Variants in IGSF10 observed in about 807,000 individuals in gnomAD.
IGSF10 encodes immunoglobulin superfamily member 10.
IGSF10 carries 126 observed loss-of-function variants against 128.2 expected under a neutral mutation model. The observed-to-expected ratio is 0.98, with a 90% CI of 0.85 to 1.14. IGSF10 has a LOEUF of 1.14. Ranked by LOEUF, IGSF10 falls within the 50% of genes most tolerant of loss-of-function variation. IGSF10 has a pLI of 0.00. For synonymous variants in IGSF10, 1,185 were observed against 1,146.2 expected, an observed-to-expected ratio of 1.03 and a Z score of -0.68; for missense variants, 3,295 against 3,149.8, an observed-to-expected ratio of 1.05 and a Z score of -1.10.
chr3:151,538,462 C>G, the IGSF10 span, among the ~76,000 whole-genome samples: 7 of 152,236 alleles, frequency 4.6e-5, no homozygotes, highest in Middle Eastern at 3.4e-3. Flanking sequence ...AAATACCTCA[C>G]TTCACAGCCA....
At position 151,446,980 on chromosome 3, in the gene IGSF10, T is replaced by TTA; in HGVS notation, c.3000_3001insTA (p.Thr1001Ter). Reference sequence around the variant, plus strand: ...CGTCTGAACAGCGGGATGTTAACTGTACTATTTCTAGGGATCGGAAACTGA... The same window carrying TTA: ...CGTCTGAACAGCGGGATGTTAACTGTTAACTATTTCTAGGGATCGGAAACTGA... On this transcript the variant is annotated frameshift_variant, in exon 6 of 8. Coordinates refer to ENST00000282466, the MANE Select transcript of IGSF10 (RefSeq NM_178822.5). LOFTEE classifies it high-confidence loss of function. 1 of 1,614,210 alleles carries TTA rather than the reference T, an allele frequency of 6.2e-7. No homozygotes were observed. Among genetic ancestry groups the TTA allele is most frequent in the Non-Finnish European group, 8.5e-7 (1 of 1,180,034 alleles).
At chr3:151,497,123 GT>G in the IGSF10 span, among the ~76,000 whole-genome samples, 1 of 152,172 alleles carries the variant, frequency 6.6e-6, no homozygotes, top group Admixed American at 6.5e-5. Context: ...CATTCTGTAG[GT>G]TGCCTGTTCA....
the IGSF10 span, among the ~76,000 whole-genome samples, chr3:151,471,387 C>T: frequency 2.0e-5 from 3 of 152,122 alleles, no homozygotes; most frequent in Non-Finnish European, 1.5e-5. Flanking sequence ...ACTGGATAAT[C>T]CTGAATTAAT....
Position 151,458,521 on chromosome 3 carries a change from A to T in IGSF10, c.189T>A (p.Asn63Lys), listed in dbSNP as rs140558815. ...DSIPPNVERI[N>K]LGYNSLVRLM... The stretch of plus-strand genomic sequence containing the variant: ...AAACATGAGGTCTCACACACCCTAA[A>T]TTGATGCGTTCCACATTGGGCGGGA... The change falls in exon 3 of 8, where the codon AAT becomes AAA. Residue 63 changes from asparagine to lysine, a missense_variant. Physicochemically the swap from Asn to Lys is moderately conservative, Grantham distance 94 (BLOSUM62 0). Coordinates refer to ENST00000282466, the MANE Select transcript of IGSF10 (RefSeq NM_178822.5). 1 of 1,612,492 alleles carries T rather than the reference A, an allele frequency of 6.2e-7. No individual in the cohort carries two copies. Among genetic ancestry groups the T allele is most frequent in the South Asian group, 1.1e-5 (1 of 90,842 alleles).
the IGSF10 span, among the ~76,000 whole-genome samples, chr3:151,477,655 T>C: frequency 6.6e-6 from 1 of 152,240 alleles, no homozygotes; most frequent in Non-Finnish European, 1.5e-5. Flanking sequence ...CCGACCATCA[T>C]AGAGAAGTTA....
chr3:151,578,567 A>C, the IGSF10 span, among the ~76,000 whole-genome samples: 2 of 152,202 alleles, frequency 1.3e-5, no homozygotes, highest in Non-Finnish European at 2.9e-5. Context: ...CATGAGAATG[A>C]CTGAGATCAA....
At chr3:151,482,671 G>A in the IGSF10 span, among the ~76,000 whole-genome samples, 2 of 152,174 alleles carry the variant, frequency 1.3e-5, no homozygotes, top group African/African-American at 2.4e-5. Flanking sequence ...GATGAGATGT[G>A]GACATGCAGA....
At chr3:151,617,297 T>TCTTCTTCTTCTTCTTCTC in the IGSF10 span, among the ~76,000 whole-genome samples, 1 of 129,756 alleles carries the variant, frequency 7.7e-6, no homozygotes, top group Non-Finnish European at 1.6e-5. Flanking sequence ...TTCTTCTTCT[T>TCTTCTTCTTCTTCTTCTC]CTTCTTCTTC....
intron 7 of IGSF10, among the ~76,000 whole-genome samples, chr3:151,441,748 A>ATTCATTT (rs1473213956): frequency 3.3e-5 from 5 of 152,346 alleles, no homozygotes; most frequent in Middle Eastern, 3.4e-3. Context: ...GATATAATTT[A>ATTCATTT]TATAGAAAGC....
the IGSF10 span, among the ~76,000 whole-genome samples, chr3:151,566,168 T>C: frequency 6.6e-6 from 1 of 151,878 alleles, no homozygotes; most frequent in Admixed American, 6.6e-5. Context: ...GAATGGGAGG[T>C]ATCAGCTAGA....
the IGSF10 span, among the ~76,000 whole-genome samples, chr3:151,503,595 A>G: frequency 7.2e-5 from 11 of 152,184 alleles, no homozygotes; most frequent in African/African-American, 2.7e-4. Flanking sequence ...AAGAAACAAA[A>G]AGGATAATTC....
the IGSF10 span, among the ~76,000 whole-genome samples, chr3:151,511,716 A>C: frequency 6.6e-6 from 1 of 152,200 alleles, no homozygotes; most frequent in Non-Finnish European, 1.5e-5. Context: ...GTATTCAGGA[A>C]AACCATCTCA....
At position 151,436,476 on chromosome 3, in the gene IGSF10, C is replaced by T; in HGVS notation, c.*213G>A. On this transcript the variant is annotated 3_prime_UTR_variant, in exon 8 of 8. Coordinates refer to ENST00000282466, the MANE Select transcript of IGSF10 (RefSeq NM_178822.5). ...TTATTTGTTGGCAAAATAAAAGTGC[C>T]TTAAGTTAAAAGTTTGTTTTGAGAT... 4.7e-6 allele frequency: 2 copies of T among 423,526 alleles called. No individual in the cohort carries two copies. The highest frequency in any genetic ancestry group is 4.9e-5 in the South Asian group (1 of 20,236). The allele number at this position is 423,526 out of a possible 1,614,324, so 26.2% of individuals were successfully genotyped here.
the IGSF10 span, among the ~76,000 whole-genome samples, chr3:151,518,138 A>T: frequency 1.3e-5 from 2 of 152,020 alleles, no homozygotes; most frequent in Non-Finnish European, 2.9e-5. Context: ...TTTTCTGTAC[A>T]TTGTGAACTA....
In IGSF10 at chr3:151,447,618, T is replaced by C. The variant is rs969642180; in HGVS notation, c.2363A>G (p.Asn788Ser). Residue 788 changes from asparagine (N) to serine (S), a missense_variant, in exon 6 of 8, where the codon AAC becomes AGC. Asn to Ser is a conservative substitution (Grantham distance 46, BLOSUM62 1). Transcript: ENST00000282466. ...GGAATCGTCTTCTTCACCAGGTATG[T>C]TTGGGAGTTGGGTGACCACTGGGGG... ...SPPPVVTQLPNIPGEEDDSSG... is the reference protein window; with the variant it reads ...SPPPVVTQLPSIPGEEDDSSG... 11 of 1,614,092 alleles carry C rather than the reference T, an allele frequency of 6.8e-6. No individual in the cohort carries two copies. Among genetic ancestry groups the C allele is most frequent in the Non-Finnish European group, 9.3e-6 (11 of 1,180,010 alleles).
the IGSF10 span, among the ~76,000 whole-genome samples, chr3:151,554,163 C>T: frequency 3.4e-5 from 5 of 148,008 alleles, no homozygotes; most frequent in Admixed American, 6.8e-5. Flanking sequence ...CACACACACA[C>T]GCAAAGTTGT....
the IGSF10 span, among the ~76,000 whole-genome samples, chr3:151,560,200 A>G: frequency 9.2e-5 from 14 of 152,244 alleles, no homozygotes; most frequent in African/African-American, 3.4e-4. Context: ...ATTTTTATCT[A>G]TAAAGGAAAT....
the IGSF10 span, among the ~76,000 whole-genome samples, chr3:151,491,352 G>A: frequency 6.6e-6 from 1 of 152,098 alleles, no homozygotes; most frequent in Admixed American, 6.5e-5. Flanking sequence ...CATGGCAGGT[G>A]GATTACTTGA....
the IGSF10 span, among the ~76,000 whole-genome samples, chr3:151,495,390 C>T: frequency 1.3e-5 from 2 of 152,060 alleles, no homozygotes; most frequent in Admixed American, 1.3e-4. Flanking sequence ...TGGAACAAAA[C>T]CTACTGTGTC....
Sources: allele counts gnomAD v4.1 joint callset (sites outside exome capture counted in the v4.1 genomes callset), GRCh38; gene constraint gnomAD v4.1.1; transcripts MANE v1.5; gene names NCBI Gene and HGNC (gene_info 2026-07-23, HGNC 2026-07-21).